KATNB1: variants seen among roughly 807,000 people sequenced by gnomAD.
KATNB1 encodes the protein katanin regulatory subunit B1, also known as katanin p80 WD40 repeat-containing subunit B1.
Under a neutral mutation model 82.3 loss-of-function variants are expected in KATNB1, and 38 were observed. The ratio of observed to expected loss-of-function variants is 0.46; its 90% CI spans 0.36 to 0.61. The LOEUF (loss-of-function observed/expected upper bound fraction) is 0.61, where lower values mean the gene tolerates loss of function less well. Ranked by LOEUF, KATNB1 falls within the 20% of genes least tolerant of loss-of-function variation. The pLI is 0.00. For synonymous variants in KATNB1, 361 were observed against 368.7 expected, an observed-to-expected ratio of 0.98 and a Z score of 0.24; for missense variants, 749 against 915.7, an observed-to-expected ratio of 0.82 and a Z score of 2.35.
chr16:57,736,020 C>G (rs1369435308), intron 1 of KATNB1, 165 bp downstream of exon 1: 1 of 152,422 alleles, frequency 6.6e-6, no homozygotes, highest in Non-Finnish European at 1.5e-5. Flanking sequence ...GGCCGAGGGA[C>G]CTGCCCCCGC....
chr16:57,752,962 C>A, intron 10 of KATNB1, 34 bp downstream of exon 10: 2 of 1,597,878 alleles, frequency 1.3e-6, no homozygotes, highest in Non-Finnish European at 1.7e-6. Flanking sequence ...GCCCCCCACT[C>A]CCACAGGGCC....
chr16:57,745,280 A>G (rs1319962253), intron 4 of KATNB1, among the ~76,000 whole-genome samples: 3 of 151,550 alleles, frequency 2.0e-5, no homozygotes, highest in Admixed American at 2.0e-4. Flanking sequence ...TTGGGAGGCC[A>G]AGGCAGGCGG....
At chr16:57,740,817 G>A (rs1555579205) in intron 2 of KATNB1, among the ~76,000 whole-genome samples, 2 of 151,992 alleles carry the variant, frequency 1.3e-5, no homozygotes, top group African/African-American at 4.8e-5. Context: ...TCAGTCTGTT[G>A]CCTCCTGCCC....
At chr16:57,755,953 A>G in intron 17 of KATNB1, 36 bp downstream of exon 17, 1 of 1,610,478 alleles carries the variant, frequency 6.2e-7, no homozygotes, top group Non-Finnish European at 8.5e-7. Context: ...GCGGAGGGGC[A>G]GGGCTGGGCT....
At position 57,751,916 on chromosome 16, in the gene KATNB1, ACCT is replaced by A. The variant is rs782404104; in HGVS notation, c.517-18_517-16del. 3.6e-4 allele frequency: 570 copies of A among 1,582,320 alleles called. 1 individual carries two copies. The highest frequency in any genetic ancestry group is 3.5e-4 in the Non-Finnish European group (408 of 1,152,806). ...GCAGCCAAGATGCCTGGTCACCCTG[ACCT>A]CCTCCCTGCCCTGCCTCCAGCTCTG... On this transcript the variant is annotated intron_variant, in intron 7 of 19. Coordinates refer to ENST00000379661, the MANE Select transcript of KATNB1 (RefSeq NM_005886.3). The surrounding 1 kb of genome is among the most constrained non-coding windows in gnomAD (Gnocchi z 6.3).
intron 8 of KATNB1, 180 bp downstream of exon 8, chr16:57,752,235 C>G: frequency 1.6e-6 from 1 of 644,858 alleles, no homozygotes; most frequent in South Asian, 1.8e-5. Flanking sequence ...TCCCCTGGCT[C>G]TGGTTCCCTG....
chr16:57,745,328 ACG>A (rs2049175245), intron 4 of KATNB1, among the ~76,000 whole-genome samples: 1 of 9,580 alleles, frequency 1.0e-4, no homozygotes, highest in Non-Finnish European at 2.7e-4. Context: ...AGCCTGACCA[ACG>A]TGGAGAAACC....
intron 3 of KATNB1, among the ~76,000 whole-genome samples, chr16:57,743,843 C>T (rs1185887206): frequency 1.3e-5 from 2 of 152,354 alleles, no homozygotes; most frequent in Admixed American, 6.5e-5. Context: ...GATAGAGGAT[C>T]CACAGTGAAA....
chr16:57,737,330 G>A lies in KATNB1; in HGVS notation c.40+47G>A, dbSNP rs368381019. On this transcript the variant is annotated intron_variant, in intron 2 of 19. Transcript: ENST00000379661. The stretch of plus-strand genomic sequence containing the variant: ...TTATCACCCCATTTATTCTGTTAGC[G>A]GCTTGTTGCTGGGAGGCCTGAACCC... The A allele has an allele frequency of 2.1e-5, 34 of 1,609,428 alleles. No individual in the cohort carries two copies. In the African/African-American group the frequency reaches 3.3e-4, roughly 16 times the overall value.
Position 57,755,923 on chromosome 16 carries a change from T to C in KATNB1, c.1643+6T>C. The C allele has an allele frequency of 1.9e-6, 3 of 1,603,796 alleles. No individual in the cohort carries two copies. The highest frequency in any genetic ancestry group is 2.6e-6 in the Non-Finnish European group (3 of 1,172,472). On this transcript the variant is annotated splice_donor_region_variant and intron_variant, in intron 17 of 19. Transcript: ENST00000379661. Reference sequence around the variant, plus strand: ...AACATCGTCAACCAGAAAGCGTAAGTGGCTGCAGAGGGGGAGTGGGCGGAG... The same window carrying C: ...AACATCGTCAACCAGAAAGCGTAAGCGGCTGCAGAGGGGGAGTGGGCGGAG...
chr16:57,739,388 A>G lies in KATNB1; in HGVS notation c.40+2105A>G, dbSNP rs536529505. Among the ~76,000 whole-genome samples the G allele has an allele frequency of 4.6e-5, 7 of 152,214 alleles. 1 individual carries two copies. The South Asian group carries it at 1.5e-3, about 32-fold the overall frequency. On this transcript the variant is annotated intron_variant, in intron 2 of 19. Transcript: ENST00000379661. ...TGAAACCTAGTACTTTGTATCTTGC[A>G]TTTGGGATGCTGATCCTCAGCCCCT...
chr16:57,744,604 C>A, intron 4 of KATNB1, 93 bp downstream of exon 4: 1 of 1,039,836 alleles, frequency 9.6e-7, no homozygotes, highest in Middle Eastern at 2.1e-4. Flanking sequence ...CCTGCCTGGA[C>A]TACGTTGGCT....
chr16:57,736,338 G>A (rs1452228402), intron 1 of KATNB1, among the ~76,000 whole-genome samples: 2 of 152,124 alleles, frequency 1.3e-5, no homozygotes, highest in Non-Finnish European at 2.9e-5. Flanking sequence ...GGGGACGGAG[G>A]GGAGCGGGCT....
At chr16:57,741,839 G>C in intron 3 of KATNB1, 22 bp downstream of exon 3, 1 of 1,608,904 alleles carries the variant, frequency 6.2e-7, no homozygotes, top group African/African-American at 1.3e-5. Flanking sequence ...CAGCTGGCGG[G>C]GGGTCAGGAC....
intron 2 of KATNB1, among the ~76,000 whole-genome samples, chr16:57,739,760 C>T (rs373897595): frequency 3.3e-5 from 5 of 152,174 alleles, no homozygotes; most frequent in South Asian, 2.1e-4. Flanking sequence ...CCAAAGTCTG[C>T]GGTTTTGCCA....
At chr16:57,750,662 G>T (rs952491379) in intron 4 of KATNB1, among the ~76,000 whole-genome samples, 165 bp from the exon 5 acceptor site, 1 of 152,134 alleles carries the variant, frequency 6.6e-6, no homozygotes, top group African/African-American at 2.4e-5. Flanking sequence ...TTGTTAGGGT[G>T]GTGGGACCCT....
Position 57,756,464 on chromosome 16 carries a change from G to A in KATNB1, c.1827G>A (p.Arg609=), listed in dbSNP as rs1567904696. 1.9e-6 allele frequency: 3 copies of A among 1,613,278 alleles called. No individual in the cohort carries two copies. The highest frequency in any genetic ancestry group is 1.7e-5 in the Admixed American group (1 of 59,994). ...APPSVGVDIS[R]EERLHKCRLC... The stretch of plus-strand genomic sequence containing the variant: ...CCTCTGTGGGTGTGGATATCAGCAG[G>A]GAGGAGAGGTGAGGGCAGCGCATGT... The change falls in exon 19 of 20, where the codon AGG becomes AGA. Residue 609 remains arginine, a synonymous_variant. Transcript: ENST00000379661.
At chr16:57,750,428 A>G (rs2049217380) in intron 4 of KATNB1, among the ~76,000 whole-genome samples, 1 of 152,228 alleles carries the variant, frequency 6.6e-6, no homozygotes, top group Non-Finnish European at 1.5e-5. Context: ...TCAGGAGGCC[A>G]GCCCAGCCAA....
intron 2 of KATNB1, among the ~76,000 whole-genome samples, chr16:57,737,811 G>C (rs2049112462): frequency 1.3e-5 from 2 of 152,108 alleles, no homozygotes; most frequent in South Asian, 4.1e-4. Flanking sequence ...AAGTGGATCT[G>C]GACTCTTTCA....
Sources: gnomAD v4.1 joint callset for allele counts (sites outside exome capture counted in the v4.1 genomes callset) on GRCh38, gnomAD v4.1.1 for gene constraint, Gnocchi (gnomAD v3.1) non-coding constraint, MANE v1.5 for transcripts, NCBI Gene and HGNC (gene_info 2026-07-23, HGNC 2026-07-21) for gene names.